Variants in GPLD1 observed in about 807,000 individuals in gnomAD.
GPLD1 encodes phosphatidylinositol-glycan-specific phospholipase D.
Under a neutral mutation model 112.6 loss-of-function variants are expected in GPLD1, and 84 were observed. The observed-to-expected ratio is 0.75, with a 90% CI of 0.63 to 0.89. The LOEUF is 0.89. GPLD1 is among the 40% of genes least tolerant of loss of function. The probability of loss-of-function intolerance (pLI) is 0.00; values close to 1 mark genes in which losing one functional copy is unlikely to be tolerated. For missense variants in GPLD1, 1,044 were observed against 1,051.5 expected, an observed-to-expected ratio of 0.99 and a Z score of 0.10; for synonymous variants, 386 against 403.8, an observed-to-expected ratio of 0.96 and a Z score of 0.53.
At chr6:24,472,878 C>T (rs990681677) in intron 6 of GPLD1, among the ~76,000 whole-genome samples, 3 of 151,630 alleles carry the variant, frequency 2.0e-5, no homozygotes, top group Non-Finnish European at 4.4e-5. Context: ...TGGGTTCAAG[C>T]AATTCTCCTG....
At position 24,429,083 on chromosome 6, in the gene GPLD1, C is replaced by T. The variant is rs1336208922; in HGVS notation, c.2472G>A (p.Leu824=). The T allele has an allele frequency of 6.2e-7, 1 of 1,613,598 alleles. No homozygotes were observed. The highest frequency in any genetic ancestry group is 8.5e-7 in the Non-Finnish European group (1 of 1,179,738). The stretch of plus-strand genomic sequence containing the variant: ...GAAGTGCCCCGGAGAGTCGGGCTCC[C>T]AAAGAACTCCTTCCAGCAGCAATGA... ...QVVIAAGRSS[L]GARLSGALHV... Residue 824 remains leucine (L), a synonymous_variant, in exon 25 of 25, where the codon TTG becomes TTA. Transcript: ENST00000230036.
At chr6:24,446,456 C>T (rs979080203) in intron 18 of GPLD1, among the ~76,000 whole-genome samples, 2 of 152,090 alleles carry the variant, frequency 1.3e-5, no homozygotes, top group African/African-American at 2.4e-5. Context: ...TACCACTGCC[C>T]TCTGCCCTTT....
At chr6:24,431,535 C>CATTT (rs969770411) in intron 24 of GPLD1, among the ~76,000 whole-genome samples, 1 of 139,036 alleles carries the variant, frequency 7.2e-6, no homozygotes. Flanking sequence ...TAAGGTTAAA[C>CATTT]TTTTTTTTTT....
At chr6:24,444,078 GA>G (rs1407968193) in intron 20 of GPLD1, among the ~76,000 whole-genome samples, 5 of 152,164 alleles carry the variant, frequency 3.3e-5, no homozygotes, top group African/African-American at 1.2e-4. Context: ...CTTTTAGAAA[GA>G]TTAGAACCTC....
At chr6:24,460,188 A>T (rs987801551) in intron 12 of GPLD1, 91 bp downstream of exon 12, 2 of 1,462,006 alleles carry the variant, frequency 1.4e-6, no homozygotes, top group Admixed American at 3.6e-5. Context: ...GGTAAATTTC[A>T]ATGGACAAAT....
At chr6:24,477,187 T>C (rs1282198273) in intron 3 of GPLD1, among the ~76,000 whole-genome samples, 2 of 149,810 alleles carry the variant, frequency 1.3e-5, no homozygotes, top group African/African-American at 4.9e-5. Context: ...CTTAAACAAA[T>C]TGGCAGATTA....
intron 11 of GPLD1, among the ~76,000 whole-genome samples, chr6:24,461,634 C>T (rs115546353): frequency 0.015 from 2,328 of 152,262 alleles, 31 homozygotes; most frequent in South Asian, 0.05. Context: ...TAAGCCATCA[C>T]TTCTTCAAGG....
rs1762273536 is a variant in GPLD1, at chr6:24,427,493, T to A, written c.*1539A>T. Among the ~76,000 whole-genome samples, 1 of 152,210 alleles carries A rather than the reference T, an allele frequency of 6.6e-6. No individual in the cohort carries two copies. Among genetic ancestry groups the A allele is most frequent in the African/African-American group, 2.4e-5 (1 of 41,452 alleles). ...TGGAGGGCACAGAAGGGTGATAGTCTTGGTTTTTATATTTGTCCTTCACTA... is the reference window on the plus strand; with the variant it reads ...TGGAGGGCACAGAAGGGTGATAGTCATGGTTTTTATATTTGTCCTTCACTA... On this transcript the variant is annotated 3_prime_UTR_variant, in exon 25 of 25. Transcript: ENST00000230036.
chr6:24,474,065 G>A (rs939045486), intron 5 of GPLD1, among the ~76,000 whole-genome samples: 24 of 151,946 alleles, frequency 1.6e-4, no homozygotes, highest in African/African-American at 5.3e-4. Context: ...GGCAGAGGTT[G>A]CAGTGAGCCG....
At chr6:24,471,042 T>TA (rs1321311402) in intron 7 of GPLD1, among the ~76,000 whole-genome samples, 2 of 152,234 alleles carry the variant, frequency 1.3e-5, no homozygotes, top group Non-Finnish European at 2.9e-5. Context: ...ATAGGCAAGG[T>TA]ACTTTTGAAG....
At chr6:24,472,718 T>A in intron 6 of GPLD1, 82 bp from the exon 7 acceptor site, 1 of 788,624 alleles carries the variant, frequency 1.3e-6, no homozygotes, top group Non-Finnish European at 2.3e-6. Context: ...GTCTGACAAG[T>A]TGGATTATTA....
chr6:24,450,037 C>T, intron 14 of GPLD1, 138 bp from the exon 15 acceptor site: 1 of 595,074 alleles, frequency 1.7e-6, no homozygotes, highest in South Asian at 2.1e-5. Context: ...TAAGCTATAA[C>T]ATATCTGCAA....
At chr6:24,453,170 A>G (rs1763148520) in intron 14 of GPLD1, among the ~76,000 whole-genome samples, 2 of 152,360 alleles carry the variant, frequency 1.3e-5, no homozygotes, top group Middle Eastern at 3.4e-3. Flanking sequence ...CACTTAGGAC[A>G]AAAGAAGGAA....
chr6:24,436,949 AGTGCAAC>A (rs1227410439), intron 21 of GPLD1, among the ~76,000 whole-genome samples, 157 bp downstream of exon 21: 1 of 152,248 alleles, frequency 6.6e-6, no homozygotes, highest in Non-Finnish European at 1.5e-5. Context: ...AGCTTCAAGA[AGTGCAAC>A]TCCCTCTCTG....
Position 24,475,170 on chromosome 6 carries a change from C to A in GPLD1, c.392G>T (p.Ser131Ile). The change falls in exon 5 of 25, where the codon AGC (serine) becomes ATC (isoleucine). Residue 131 changes from serine to isoleucine, a missense_variant. Coordinates refer to ENST00000230036, the MANE Select transcript of GPLD1 (RefSeq NM_001503.4). The stretch of plus-strand genomic sequence containing the variant: ...TTGTTCAAGGCCCAGACTATGCCAG[C>A]TGACATCTGCCGCCATGTGAGAAGT... ...GITSHMAADV[S>I]WHSLGLEQGF... is the part of the protein sequence containing the mutation. 1.2e-6 allele frequency: 2 copies of A among 1,612,838 alleles called. No homozygotes were observed. Among genetic ancestry groups the A allele is most frequent in the African/African-American group, 2.7e-5 (2 of 75,008 alleles).
At position 24,473,613 on chromosome 6, in the gene GPLD1, C is replaced by T; in HGVS notation, c.490+6G>A. On this transcript the variant is annotated splice_donor_region_variant and intron_variant, in intron 6 of 24. Coordinates refer to ENST00000230036, the MANE Select transcript of GPLD1 (RefSeq NM_001503.4). ...AGAAAATTTAGCAAATGTAAATAAA[C>T]AGTACCAAAATCACCAGCCGAATGA... 6.3e-7 allele frequency: 1 copy of T among 1,586,390 alleles called. No homozygotes were observed. Among genetic ancestry groups the T allele is most frequent in the East Asian group, 2.2e-5 (1 of 44,656 alleles).
Position 24,428,775 on chromosome 6 carries a change from A to G in GPLD1, c.*257T>C, listed in dbSNP as rs1031755560. The G allele has an allele frequency of 1.1e-5, 4 of 350,058 alleles. No individual in the cohort carries two copies. The highest frequency in any genetic ancestry group is 2.1e-5 in the Non-Finnish European group (4 of 194,474). The allele number at this position is 350,058 out of a possible 1,614,324, so 21.7% of individuals were successfully genotyped here. On this transcript the variant is annotated 3_prime_UTR_variant, in exon 25 of 25. Coordinates refer to ENST00000230036, the MANE Select transcript of GPLD1 (RefSeq NM_001503.4). ...GAAAGGTTTAGATGCAAAGGGAGCG[A>G]GGAAGTAAACTGTGGAAGGAGACAT...
chr6:24,493,107 T>G (rs185517803), upstream of GPLD1, among the ~76,000 whole-genome samples: 16 of 152,240 alleles, frequency 1.1e-4, no homozygotes, highest in Admixed American at 3.3e-4. Flanking sequence ...GTAAGTGGGC[T>G]AGGGTAATTT....
chr6:24,445,664 T>G, intron 19 of GPLD1, 25 bp from the exon 20 acceptor site: 1 of 1,605,872 alleles, frequency 6.2e-7, no homozygotes, highest in East Asian at 2.2e-5. Flanking sequence ...AAATCAATAT[T>G]GTATAGGTGA....
Sources: allele counts gnomAD v4.1 joint callset (sites outside exome capture counted in the v4.1 genomes callset), GRCh38; gene constraint gnomAD v4.1.1; transcripts MANE v1.5; gene names NCBI Gene and HGNC (gene_info 2026-07-23, HGNC 2026-07-21).